The following TNXB variants were observed in gnomAD, a reference collection of about 807,000 sequenced individuals.
The protein encoded by TNXB is tenascin-X.
In TNXB, 183 loss-of-function variants were observed where a neutral mutation model predicts 340.5. The ratio of observed to expected loss-of-function variants is 0.54; its 90% CI spans 0.48 to 0.61. TNXB has a LOEUF of 0.61. Among genes scored for constraint, TNXB ranks in the 20% least tolerant of loss-of-function variants. TNXB has a pLI of 0.00. For missense variants in TNXB, 4,613 were observed against 5,446.4 expected (o/e 0.85, Z 4.82); for synonymous variants, 2,121 against 2,314.5 (o/e 0.92, Z 2.40).
At position 32,087,474 on chromosome 6, in the gene TNXB, C is replaced by G. The variant is rs1391788413; in HGVS notation, c.2779+1311G>C. On this transcript the variant is annotated intron_variant, in intron 6 of 43. Transcript: ENST00000644971. The surrounding 1 kb of genome is among the most constrained non-coding windows in gnomAD (Gnocchi z 9.0). ...GGAGCCCGTCGAGAGACACGAGAAG[C>G]GCGCCATCGGCGGAACTGCCCAGCA... is the stretch of plus-strand genomic sequence containing the variant. The G allele has an allele frequency of 1.6e-5, 8 of 491,118 alleles. No homozygotes were observed. The highest frequency in any genetic ancestry group is 7.4e-5 in the South Asian group (5 of 67,744). 30.4% of individuals were successfully genotyped at this position (491,118 alleles called of 1,614,324 possible).
Position 32,084,140 on chromosome 6 carries a change from C to G in TNXB, c.3445+273G>C, listed in dbSNP as rs943899899. On this transcript the variant is annotated intron_variant, in intron 8 of 43. Transcript: ENST00000644971. This position sits in a 1 kb window ranked among gnomAD's most constrained non-coding sequence, Gnocchi z 5.5. ...AGCCCTGAGACCAGGCCCTTTGGCA[C>G]CCCCCACATGCCCTGTTCTCCAGCC... Among the ~76,000 whole-genome samples, 1 of 152,170 alleles carries G rather than the reference C, an allele frequency of 6.6e-6. No homozygotes were observed. The highest frequency in any genetic ancestry group is 1.5e-5 in the Non-Finnish European group (1 of 68,042).
chr6:32,051,015 C>A lies in TNXB; in HGVS notation c.9116-694G>T, dbSNP rs148756392. On this transcript the variant is annotated intron_variant, in intron 26 of 43. Coordinates refer to ENST00000644971, the MANE Select transcript of TNXB (RefSeq NM_001365276.2). The surrounding 1 kb of genome is among the most constrained non-coding windows in gnomAD (Gnocchi z 4.7). ...AGACCCCAGGCCTCCTCTGCTCCCACACTTCAGGACTATCTATTCACTGCA... is the reference window on the plus strand; with the variant it reads ...AGACCCCAGGCCTCCTCTGCTCCCAAACTTCAGGACTATCTATTCACTGCA... Among the ~76,000 whole-genome samples, 107 of 152,354 alleles carry A rather than the reference C, an allele frequency of 7.0e-4. No homozygotes were observed. Among genetic ancestry groups the A allele is most frequent in the African/African-American group, 2.4e-3 (100 of 41,582 alleles).
Position 32,070,284 on chromosome 6 carries a change from C to T in TNXB, c.5121G>A (p.Gln1707=). ...CCTGGGGCCCGTCTTTGTCCTTGAA[C>T]TGGACCACAAAAGAGTCGAACTGGC... ...PEGQFDSFVV[Q]FKDKDGPQVV... The change falls in exon 14 of 44, where the codon CAG becomes CAA. Residue 1707 remains glutamine, a synonymous_variant. Coordinates refer to ENST00000644971, the MANE Select transcript of TNXB (RefSeq NM_001365276.2). This position sits in a 1 kb window ranked among gnomAD's most constrained non-coding sequence, Gnocchi z 6.0. 1 of 1,613,156 alleles carries T rather than the reference C, an allele frequency of 6.2e-7. No individual in the cohort carries two copies. Among genetic ancestry groups the T allele is most frequent in the Non-Finnish European group, 8.5e-7 (1 of 1,179,624 alleles).
In TNXB at chr6:32,061,382, C is replaced by T; in HGVS notation, c.7492+15G>A. The T allele has an allele frequency of 6.2e-7, 1 of 1,608,644 alleles. No individual in the cohort carries two copies. Among genetic ancestry groups the T allele is most frequent in the Non-Finnish European group, 8.5e-7 (1 of 1,176,798 alleles). The stretch of plus-strand genomic sequence containing the variant: ...AGGGAAAGGTGGTTACCCCGAGACT[C>T]CAAGCACTACTCACCAGTCACGCCC... On this transcript the variant is annotated intron_variant, in intron 21 of 43. Coordinates refer to ENST00000644971, the MANE Select transcript of TNXB (RefSeq NM_001365276.2). This position sits in a 1 kb window ranked among gnomAD's most constrained non-coding sequence, Gnocchi z 4.4.
chr6:32,067,467 G>T lies in TNXB; in HGVS notation c.6544+194C>A, dbSNP rs1778441316. 6.6e-6 allele frequency among the ~76,000 whole-genome samples: 1 copy of T among 152,164 alleles called. No homozygotes were observed. Among genetic ancestry groups the T allele is most frequent in the African/African-American group, 2.4e-5 (1 of 41,442 alleles). ...TCCCAAGAGGCCTCAGTCCCTGGGG[G>T]CCTTTCCCATATGGCTCCGACACTT... On this transcript the variant is annotated intron_variant, in intron 18 of 43. Transcript: ENST00000644971. The surrounding 1 kb of genome is among the most constrained non-coding windows in gnomAD (Gnocchi z 4.2).
chr6:32,076,846 G>C (rs972718987), intron 11 of TNXB, among the ~76,000 whole-genome samples: 3 of 152,140 alleles, frequency 2.0e-5, no homozygotes, highest in African/African-American at 7.2e-5. Context: ...GCCGGGTGTG[G>C]TGGTGGGCGC....
At position 32,072,499 on chromosome 6, in the gene TNXB, A is replaced by G. The variant is rs1778836567; in HGVS notation, c.4682-201T>C. Among the ~76,000 whole-genome samples the G allele has an allele frequency of 1.3e-5, 2 of 152,240 alleles. No homozygotes were observed. The highest frequency in any genetic ancestry group is 4.8e-5 in the African/African-American group (2 of 41,452). ...TAGAATTATTGTGACTTTGTTACCA[A>G]TAGAAACCACAGATGTTTTCATGTC... On this transcript the variant is annotated intron_variant, in intron 12 of 43. Coordinates refer to ENST00000644971, the MANE Select transcript of TNXB (RefSeq NM_001365276.2). This position sits in a 1 kb window ranked among gnomAD's most constrained non-coding sequence, Gnocchi z 4.4.
intron 21 of TNXB, among the ~76,000 whole-genome samples, chr6:32,059,918 C>G (rs1299453895): frequency 6.6e-6 from 1 of 151,964 alleles, no homozygotes; most frequent in African/African-American, 2.4e-5. Context: ...GGCATAACAA[C>G]CTGGCTGAGG....
At position 32,096,836 on chromosome 6, in the gene TNXB, C is replaced by T. The variant is rs762908509; in HGVS notation, c.1017G>A (p.Thr339=). 15 of 1,603,928 alleles carry T rather than the reference C, an allele frequency of 9.4e-6. No homozygotes were observed. Among genetic ancestry groups the T allele is most frequent in the African/African-American group, 1.3e-5 (1 of 74,602 alleles). Residue 339 remains threonine (T), a synonymous_variant, in exon 3 of 44, where the codon ACG becomes ACA. Coordinates refer to ENST00000644971, the MANE Select transcript of TNXB (RefSeq NM_001365276.2). ...CGCCACAGTCCCAGGGGCAGCTCCGCGTACCACAGTCCTCGCCAGTGTAGC... is the reference window on the plus strand; with the variant it reads ...CGCCACAGTCCCAGGGGCAGCTCCGTGTACCACAGTCCTCGCCAGTGTAGC... ...DPGYTGEDCG[T]RSCPWDCGEG...
At chr6:32,106,037 T>C (rs1780958876) in intron 1 of TNXB, among the ~76,000 whole-genome samples, 2 of 151,642 alleles carry the variant, frequency 1.3e-5, no homozygotes, top group African/African-American at 4.9e-5. Flanking sequence ...TGCACAGTTC[T>C]ATTTATGTGA....
At position 32,069,869 on chromosome 6, in the gene TNXB, G is replaced by A; in HGVS notation, c.5279-8C>T. 1.3e-6 allele frequency: 2 copies of A among 1,576,354 alleles called. No homozygotes were observed. The highest frequency in any genetic ancestry group is 1.7e-6 in the Non-Finnish European group (2 of 1,158,722). On this transcript the variant is annotated splice_polypyrimidine_tract_variant and splice_region_variant and intron_variant, in intron 14 of 43. Transcript: ENST00000644971. The surrounding 1 kb of genome is among the most constrained non-coding windows in gnomAD (Gnocchi z 6.2). ...CCATAGCACTCCGGGCTTCTGAGATGGAGACACGGAGAGGAAACGGCTGAG... is the reference window on the plus strand; with the variant it reads ...CCATAGCACTCCGGGCTTCTGAGATAGAGACACGGAGAGGAAACGGCTGAG...
At position 32,058,096 on chromosome 6, in the gene TNXB, C is replaced by T. The variant is rs1308908138; in HGVS notation, c.7787G>A (p.Gly2596Glu). 8 of 1,611,932 alleles carry T rather than the reference C, an allele frequency of 5.0e-6. No homozygotes were observed. In the Admixed American group the frequency reaches 6.7e-5, roughly 13 times the overall value. The stretch of plus-strand genomic sequence containing the variant: ...GGCAGACACCGGGCCCAGGCGCCGC[C>T]CCTCGTGGAGGCCGTACAGGTGCAT... ...YKMHLYGLHE[G>E]RRLGPVSAVG... The change falls in exon 22 of 44, where the codon GGG (glycine) becomes GAG (glutamate). Residue 2596 changes from glycine to glutamate, a missense_variant. Physicochemically the swap from Gly to Glu is moderately conservative, Grantham distance 98 (BLOSUM62 -2). Coordinates refer to ENST00000644971, the MANE Select transcript of TNXB (RefSeq NM_001365276.2). This position sits in a 1 kb window ranked among gnomAD's most constrained non-coding sequence, Gnocchi z 5.1.
At chr6:32,056,515 C>T in intron 23 of TNXB, 71 bp downstream of exon 23, 2 of 1,568,806 alleles carry the variant, frequency 1.3e-6, no homozygotes, top group Non-Finnish European at 1.7e-6. Flanking sequence ...CATTCCCCAC[C>T]AGTCATCACC....
chr6:32,053,982 C>T (rs1026823528), intron 24 of TNXB, among the ~76,000 whole-genome samples: 3 of 151,624 alleles, frequency 2.0e-5, no homozygotes, highest in African/African-American at 4.8e-5. Context: ...CAGCCCCACT[C>T]GGCCTCTGCA....
In TNXB at chr6:32,087,863, C is replaced by A; in HGVS notation, c.2779+922G>T. 1 of 449,566 alleles carries A rather than the reference C, an allele frequency of 2.2e-6. No individual in the cohort carries two copies. Among genetic ancestry groups the A allele is most frequent in the Non-Finnish European group, 4.4e-6 (1 of 227,166 alleles). The allele number at this position is 449,566 out of a possible 1,614,324, so 27.8% of individuals were successfully genotyped here. A position where few individuals can be genotyped will look rare whatever the true frequency, so the allele number is the denominator to read the frequency against. Reference sequence around the variant, plus strand: ...AGGCTTGGCCTGGGCGGGGACTCCTCCTCCCTTTCCTCTGCTGGCCTCGAG... The same window carrying A: ...AGGCTTGGCCTGGGCGGGGACTCCTACTCCCTTTCCTCTGCTGGCCTCGAG... On this transcript the variant is annotated intron_variant, in intron 6 of 43. Coordinates refer to ENST00000644971, the MANE Select transcript of TNXB (RefSeq NM_001365276.2). The surrounding 1 kb of genome is among the most constrained non-coding windows in gnomAD (Gnocchi z 9.0).
rs761329841 is a variant in TNXB at position 32,049,513 on chromosome 6, A to G, written c.9514T>C (p.Leu3172=). The G allele has an allele frequency of 4.2e-5, 68 of 1,611,780 alleles. No individual in the cohort carries two copies. The highest frequency in any genetic ancestry group is 2.0e-4 in the Admixed American group (12 of 59,954). The change falls in exon 28 of 44, where the codon TTG becomes CTG. Residue 3172 remains leucine, a synonymous_variant. Coordinates refer to ENST00000644971, the MANE Select transcript of TNXB (RefSeq NM_001365276.2). The surrounding 1 kb of genome is among the most constrained non-coding windows in gnomAD (Gnocchi z 4.5). ...TCAGGGGAGGATCCTGTCACTGTCA[A>G]CTCCCCCAGGAGCGGCTCCTCAGGG... ...EAPEEPLLGE[L]TVTGSSPDSL... is the part of the protein sequence containing the mutation.
chr6:32,049,537 G>A lies in TNXB; in HGVS notation c.9490C>T (p.Pro3164Ser). The A allele has an allele frequency of 1.2e-6, 2 of 1,612,504 alleles. No homozygotes were observed. The highest frequency in any genetic ancestry group is 1.7e-6 in the Non-Finnish European group (2 of 1,179,824). ...TEPSTEAPEAPEEPLLGELTV... is the reference protein window; with the variant it reads ...TEPSTEAPEASEEPLLGELTV... ...AACTCCCCCAGGAGCGGCTCCTCAG[G>A]GGCCTCCGGGGCCTCAGTGCTGGGT... Residue 3164 changes from proline (P) to serine (S), a missense_variant, in exon 28 of 44, where the codon CCT becomes TCT. Pro to Ser is a moderately conservative substitution (Grantham distance 74). Around this residue, in one of 7 missense-constraint regions of TNXB, gnomAD observed 4,327 missense variants for 4,859.4 expected, o/e 0.89. Transcript: ENST00000644971. This position sits in a 1 kb window ranked among gnomAD's most constrained non-coding sequence, Gnocchi z 4.5.
At chr6:32,103,092 C>T (rs1780802984) in intron 1 of TNXB, among the ~76,000 whole-genome samples, 1 of 151,958 alleles carries the variant, frequency 6.6e-6, no homozygotes, top group Non-Finnish European at 1.5e-5. Flanking sequence ...ACTCATTGAG[C>T]TGCACACTTA....
At position 32,069,188 on chromosome 6, in the gene TNXB, G is replaced by T; in HGVS notation, c.5588-52C>A. 1.3e-6 allele frequency: 2 copies of T among 1,531,978 alleles called. No individual in the cohort carries two copies. Among genetic ancestry groups the T allele is most frequent in the South Asian group, 2.4e-5 (2 of 82,384 alleles). 94.9% of individuals were successfully genotyped at this position (1,531,978 alleles called of 1,614,324 possible). ...GATGGCTGGTGTGTCGCTGCACCCA[G>T]ACTCTCAGGAGGAGTGAGGGAGGAG... On this transcript the variant is annotated intron_variant, in intron 15 of 43. Coordinates refer to ENST00000644971, the MANE Select transcript of TNXB (RefSeq NM_001365276.2). The surrounding 1 kb of genome is among the most constrained non-coding windows in gnomAD (Gnocchi z 6.2).
Sources: allele counts gnomAD v4.1 joint callset (sites outside exome capture counted in the v4.1 genomes callset), GRCh38; gene constraint gnomAD v4.1.1; regional missense constraint gnomAD v4.1.1; non-coding constraint Gnocchi (gnomAD v3.1); transcripts MANE v1.5; gene names NCBI Gene and HGNC (gene_info 2026-07-23, HGNC 2026-07-21).